Variants in RNF31 observed in about 807,000 individuals in gnomAD.
RNF31 encodes E3 ubiquitin-protein ligase RNF31.
RNF31 carries 38 observed loss-of-function variants against 133.6 expected under a neutral mutation model. The ratio of observed to expected loss-of-function variants is 0.28; its 90% CI spans 0.22 to 0.37. The LOEUF is 0.37. Among genes scored for constraint, RNF31 ranks in the 10% least tolerant of loss-of-function variants. The pLI, the probability that RNF31 is intolerant of heterozygous loss-of-function variation, is 1.00. For missense variants in RNF31, 1,118 were observed against 1,394.1 expected (o/e 0.80, Z 3.15); for synonymous variants, 582 against 552.3 (o/e 1.05, Z -0.75).
chr14:24,155,385 C>T lies in RNF31; in HGVS notation c.2305-29C>T. ...CCTGAGCTTTGAACAGGGACCCTCC[C>T]ACCCACCACCTCTGCATCCTGTCCC... is the stretch of plus-strand genomic sequence containing the variant. On this transcript the variant is annotated intron_variant, in intron 12 of 20. Coordinates refer to ENST00000324103, the MANE Select transcript of RNF31 (RefSeq NM_017999.5). The surrounding 1 kb of genome is among the most constrained non-coding windows in gnomAD (Gnocchi z 4.9). The T allele has an allele frequency of 6.2e-7, 1 of 1,614,018 alleles. No homozygotes were observed. The highest frequency in any genetic ancestry group is 8.5e-7 in the Non-Finnish European group (1 of 1,179,872).
Position 24,150,625 on chromosome 14 carries a change from C to T in RNF31, c.1225C>T (p.Gln409Ter). The T allele has an allele frequency of 6.2e-7, 1 of 1,613,096 alleles. No homozygotes were observed. Among genetic ancestry groups the T allele is most frequent in the Non-Finnish European group, 8.5e-7 (1 of 1,179,154 alleles). The change falls in exon 8 of 21, where the codon CAG becomes TAG. Residue 409 changes from glutamine to a stop codon, truncating the protein, a stop_gained. Coordinates refer to ENST00000324103, the MANE Select transcript of RNF31 (RefSeq NM_017999.5). LOFTEE classifies it high-confidence loss of function. ...GGGGGATGCTTTGCTGGCCTCTGCC[C>T]AGAGTCAAGTCTGGTACTGTATTCA... is the stretch of plus-strand genomic sequence containing the variant. The part of the protein sequence containing the change: ...QQGDALLASA[Q>*]SQVWYCIHCT...
At position 24,147,707 on chromosome 14, in the gene RNF31, G is replaced by C; in HGVS notation, c.9G>C (p.Gly3=). Residue 3 remains glycine (G), a synonymous_variant, in exon 1 of 21, where the codon GGG becomes GGC. Transcript: ENST00000324103. MP[G]EEEERAFLVA... ...CTGACTCCTGCCTCAGGATGCCGGG[G>C]GAGGAAGAGGAGCGGGCCTTCCTGG... 6.6e-7 allele frequency: 1 copy of C among 1,520,102 alleles called. No individual in the cohort carries two copies. Among genetic ancestry groups the C allele is most frequent in the South Asian group, 1.2e-5 (1 of 81,912 alleles). The allele number at this position is 1,520,102 out of a possible 1,614,324, so 94.2% of individuals were successfully genotyped here.
chr14:24,152,707 C>G (rs548065785), intron 11 of RNF31, among the ~76,000 whole-genome samples: 1 of 152,368 alleles, frequency 6.6e-6, no homozygotes. Context: ...CAGAGCCAGT[C>G]TAACTACTCT....
chr14:24,156,278 T>G (rs1456604463), intron 14 of RNF31, among the ~76,000 whole-genome samples: 2 of 152,126 alleles, frequency 1.3e-5, no homozygotes, highest in African/African-American at 4.8e-5. Flanking sequence ...AAAGCAAGGG[T>G]GATACTATCT....
At chr14:24,154,243 C>T (rs1280475462) in intron 11 of RNF31, among the ~76,000 whole-genome samples, 5 of 152,054 alleles carry the variant, frequency 3.3e-5, no homozygotes, top group Non-Finnish European at 5.9e-5. Context: ...CTGCAGCCTC[C>T]GCCTCCCGAG....
Position 24,150,792 on chromosome 14 carries a change from C to G in RNF31, c.1392C>G (p.Arg464=). The change falls in exon 8 of 21, where the codon CGC becomes CGG. Residue 464 remains arginine (R), a synonymous_variant. Coordinates refer to ENST00000324103, the MANE Select transcript of RNF31 (RefSeq NM_017999.5). ...KGPPKPGPPR[R]LSAPLPSSCG... Reference sequence around the variant, plus strand: ...CCCCCAAGCCTGGGCCCCCACGACGCCTTAGTGCCCCCCTGCCCAGTTCCT... The same window carrying G: ...CCCCCAAGCCTGGGCCCCCACGACGGCTTAGTGCCCCCCTGCCCAGTTCCT... 1 of 1,608,956 alleles carries G rather than the reference C, an allele frequency of 6.2e-7. No individual in the cohort carries two copies. The highest frequency in any genetic ancestry group is 8.5e-7 in the Non-Finnish European group (1 of 1,176,680).
In RNF31 at chr14:24,160,108, A is replaced by G; in HGVS notation, c.2997-131A>G. On this transcript the variant is annotated intron_variant, in intron 19 of 20. Coordinates refer to ENST00000324103, the MANE Select transcript of RNF31 (RefSeq NM_017999.5). The surrounding 1 kb of genome is among the most constrained non-coding windows in gnomAD (Gnocchi z 4.0). Reference sequence around the variant, plus strand: ...TTTCTGGGCAAGGGCATGGGTAGATAGTAGCAGGCAGTGTGGGCACAGGTG... The same window carrying G: ...TTTCTGGGCAAGGGCATGGGTAGATGGTAGCAGGCAGTGTGGGCACAGGTG... The G allele has an allele frequency of 7.7e-7, 1 of 1,304,508 alleles. No homozygotes were observed. Among genetic ancestry groups the G allele is most frequent in the East Asian group, 2.4e-5 (1 of 42,486 alleles). The allele number at this position is 1,304,508 out of a possible 1,614,324, so 80.8% of individuals were successfully genotyped here.
chr14:24,157,903 T>C lies in RNF31; in HGVS notation c.2733T>C (p.Cys911=). ...CYNAFYAKNK[C]PEPNCRVKKS... is the part of the protein sequence containing the mutation. ...CCCATCTGGGTTTCTGCCAGAAATGTCCAGAGCCTAACTGCAGGGTGAAAA... is the reference window on the plus strand; with the variant it reads ...CCCATCTGGGTTTCTGCCAGAAATGCCCAGAGCCTAACTGCAGGGTGAAAA... The change falls in exon 17 of 21, where the codon TGT becomes TGC. Residue 911 remains cysteine, a synonymous_variant. Transcript: ENST00000324103. 1.9e-6 allele frequency: 3 copies of C among 1,613,696 alleles called. No individual in the cohort carries two copies. Among genetic ancestry groups the C allele is most frequent in the Non-Finnish European group, 2.5e-6 (3 of 1,179,904 alleles).
In RNF31 at chr14:24,151,418, T is replaced by A; in HGVS notation, c.1737+39T>A. 1 of 1,613,296 alleles carries A rather than the reference T, an allele frequency of 6.2e-7. No individual in the cohort carries two copies. The highest frequency in any genetic ancestry group is 8.5e-7 in the Non-Finnish European group (1 of 1,179,290). On this transcript the variant is annotated intron_variant, in intron 9 of 20. Transcript: ENST00000324103. This position sits in a 1 kb window ranked among gnomAD's most constrained non-coding sequence, Gnocchi z 5.3. The stretch of plus-strand genomic sequence containing the variant: ...TGGATATGGGATAGGGTCGAGAGTC[T>A]GCATCTCTCACACTCTCCCTTGCTT...
chr14:24,149,633 T>G, intron 6 of RNF31, 50 bp downstream of exon 6: 1 of 1,559,524 alleles, frequency 6.4e-7, no homozygotes. Flanking sequence ...GAACTTAAGA[T>G]CACTTGATTA....
chr14:24,157,176 G>T (rs1159329194), intron 14 of RNF31, 114 bp from the exon 15 acceptor site: 1 of 671,014 alleles, frequency 1.5e-6, no homozygotes, highest in Non-Finnish European at 2.6e-6. Flanking sequence ...CAAATGGTAG[G>T]TGGCAGTGAC....
chr14:24,148,258 G>A lies in RNF31; in HGVS notation c.340G>A (p.Gly114Arg). 6.2e-7 allele frequency: 1 copy of A among 1,614,146 alleles called. No homozygotes were observed. The highest frequency in any genetic ancestry group is 1.1e-5 in the South Asian group (1 of 91,080). The change falls in exon 3 of 21, where the codon GGG becomes AGG. Residue 114 changes from glycine to arginine, a missense_variant and splice_region_variant. Coordinates refer to ENST00000324103, the MANE Select transcript of RNF31 (RefSeq NM_017999.5). Reference protein sequence around the residue: ...VFRSTVDAVQGGRDVLRLYGY... With the variant: ...VFRSTVDAVQRGRDVLRLYGY... ...GGTGACTCGTTTGAATGTGTGGCAG[G>A]GGGGCCGAGATGTGCTGCGATTATA...
Position 24,151,776 on chromosome 14 carries a change from CAT to C in RNF31, c.1924-7_1924-6del. 4.4e-6 allele frequency: 7 copies of C among 1,604,004 alleles called. No homozygotes were observed. In the South Asian group the frequency reaches 7.8e-5, roughly 18 times the overall value. On this transcript the variant is annotated splice_region_variant and splice_polypyrimidine_tract_variant and intron_variant, in intron 10 of 20. Coordinates refer to ENST00000324103, the MANE Select transcript of RNF31 (RefSeq NM_017999.5). The surrounding 1 kb of genome is among the most constrained non-coding windows in gnomAD (Gnocchi z 5.3). ...CAGCACTTCCCCCCTCCACCTGAATCATATTGCAGAGCCTGGTCAGGCGGCTT... is the reference window on the plus strand; with the variant it reads ...CAGCACTTCCCCCCTCCACCTGAATCATTGCAGAGCCTGGTCAGGCGGCTT...
chr14:24,157,578 C>G lies in RNF31; in HGVS notation c.2667C>G (p.His889Gln). Residue 889 changes from histidine (H) to glutamine (Q), a missense_variant, in exon 16 of 21, where the codon CAC becomes CAG. His to Gln is a conservative substitution (Grantham distance 24, BLOSUM62 0). Coordinates refer to ENST00000324103, the MANE Select transcript of RNF31 (RefSeq NM_017999.5). ...CCCGAGGAGGCTGCATGCACTTTCA[C>G]TGTACCCAGTGCCGCCACCAGTTCT... ...ALARGGCMHF[H>Q]CTQCRHQFCS... 1 of 1,614,182 alleles carries G rather than the reference C, an allele frequency of 6.2e-7. No homozygotes were observed. Among genetic ancestry groups the G allele is most frequent in the South Asian group, 1.1e-5 (1 of 91,088 alleles).
In RNF31 at chr14:24,150,193, G is replaced by A; in HGVS notation, c.942G>A (p.Glu314=). 1 of 1,614,214 alleles carries A rather than the reference G, an allele frequency of 6.2e-7. No individual in the cohort carries two copies. Among genetic ancestry groups the A allele is most frequent in the Non-Finnish European group, 8.5e-7 (1 of 1,180,026 alleles). ...GTGCTGCCTGTGCCATGCTAAATGA[G>A]CCTTGGGCAGTGCTCTGTGTGGCCT... is the stretch of plus-strand genomic sequence containing the variant. ...WHCAACAMLN[E]PWAVLCVACD... is the part of the protein sequence containing the mutation. The change falls in exon 7 of 21, where the codon GAG becomes GAA. Residue 314 remains glutamate, a synonymous_variant. Coordinates refer to ENST00000324103, the MANE Select transcript of RNF31 (RefSeq NM_017999.5).
Position 24,155,762 on chromosome 14 carries a change from G to A in RNF31, c.2493+70G>A, listed in dbSNP as rs1332816357. ...CAGGTACTGTGTTAGACTCAGGGGA[G>A]TTTGTGTACTGGAGAGCAAAACAGA... On this transcript the variant is annotated intron_variant, in intron 14 of 20. Coordinates refer to ENST00000324103, the MANE Select transcript of RNF31 (RefSeq NM_017999.5). This position sits in a 1 kb window ranked among gnomAD's most constrained non-coding sequence, Gnocchi z 4.9. 7.1e-7 allele frequency: 1 copy of A among 1,402,238 alleles called. No homozygotes were observed. 86.9% of individuals were successfully genotyped at this position (1,402,238 alleles called of 1,614,324 possible). A position where few individuals can be genotyped will look rare whatever the true frequency, so the allele number is the denominator to read the frequency against.
chr14:24,155,593 G>A lies in RNF31; in HGVS notation c.2404-10G>A, dbSNP rs1407799425. 6.2e-7 allele frequency: 1 copy of A among 1,614,160 alleles called. No homozygotes were observed. The highest frequency in any genetic ancestry group is 1.7e-5 in the Admixed American group (1 of 60,026). On this transcript the variant is annotated splice_polypyrimidine_tract_variant and intron_variant, in intron 13 of 20. Transcript: ENST00000324103. This position sits in a 1 kb window ranked among gnomAD's most constrained non-coding sequence, Gnocchi z 4.9. ...AGGCCTTTGATAACTTTATGCTCTT[G>A]CACTTCCAGTGCTCCTTTGGCTTCA...
Position 24,149,490 on chromosome 14 carries a change from C to T in RNF31, c.716C>T (p.Ala239Val). 1 of 1,614,138 alleles carries T rather than the reference C, an allele frequency of 6.2e-7. No homozygotes were observed. Reference sequence around the variant, plus strand: ...TCCTGTAAACAGGCCCTGTGTCCAGCCTGTGACCACCTGTTCCATGGACAC... The same window carrying T: ...TCCTGTAAACAGGCCCTGTGTCCAGTCTGTGACCACCTGTTCCATGGACAC... ...CPSCKQALCP[A>V]CDHLFHGHPS... The change falls in exon 6 of 21, where the codon GCC becomes GTC. Residue 239 changes from alanine to valine, a missense_variant. Ala to Val is a moderately conservative substitution (Grantham distance 64, BLOSUM62 0). Coordinates refer to ENST00000324103, the MANE Select transcript of RNF31 (RefSeq NM_017999.5).
rs2038213824 is a variant in RNF31, at chr14:24,148,636, T to C, written c.496-6T>C. 3 of 1,614,038 alleles carry C rather than the reference T, an allele frequency of 1.9e-6. No homozygotes were observed. The highest frequency in any genetic ancestry group is 1.7e-6 in the Non-Finnish European group (2 of 1,180,008). Reference sequence around the variant, plus strand: ...CTGGAAACCGTTTTTATCTGTATTATTGCAGAATACTCATCCAAGACAGCA... The same window carrying C: ...CTGGAAACCGTTTTTATCTGTATTACTGCAGAATACTCATCCAAGACAGCA... On this transcript the variant is annotated splice_region_variant and splice_polypyrimidine_tract_variant and intron_variant, in intron 3 of 20. Transcript: ENST00000324103.
Sources: allele counts gnomAD v4.1 joint callset (sites outside exome capture counted in the v4.1 genomes callset), GRCh38; gene constraint gnomAD v4.1.1; non-coding constraint Gnocchi (gnomAD v3.1); transcripts MANE v1.5; gene names NCBI Gene and HGNC (gene_info 2026-07-23, HGNC 2026-07-21).